Variants in ZNF420 observed in about 807,000 individuals in gnomAD.
ZNF420 encodes the protein zinc finger protein 420, also known as ATM and p53-associated KZNF protein.
Under a neutral mutation model 44.7 loss-of-function variants are expected in ZNF420, and 31 were observed. That is an observed-to-expected ratio of 0.69 (90% confidence interval 0.52 to 0.94). ZNF420 has a LOEUF of 0.94. ZNF420 is among the 40% of genes least tolerant of loss of function. The pLI is 0.00. For synonymous variants in ZNF420, 245 were observed against 267.4 expected (o/e 0.92, Z 0.82); for missense variants, 681 against 827.9 (o/e 0.82, Z 2.18).
intron 2 of ZNF420, among the ~76,000 whole-genome samples, chr19:37,088,367 A>G (rs189657688): frequency 1.3e-5 from 2 of 152,336 alleles, no homozygotes; most frequent in African/African-American, 4.8e-5. Flanking sequence ...TGGTTTTACT[A>G]TTAGCTGTAT....
intron 1 of ZNF420, among the ~76,000 whole-genome samples, chr19:37,042,848 GAGTGAA>G (rs1421186315): frequency 6.6e-6 from 1 of 152,158 alleles, no homozygotes; most frequent in Non-Finnish European, 1.5e-5. Flanking sequence ...TCTTGGTGTT[GAGTGAA>G]AGTGAAAGAC....
intron 1 of ZNF420, among the ~76,000 whole-genome samples, chr19:37,068,482 A>C (rs906604470): frequency 6.6e-6 from 1 of 152,132 alleles, no homozygotes; most frequent in African/African-American, 2.4e-5. Flanking sequence ...TCTACTAAAA[A>C]TACAAAAATT....
At chr19:37,012,758 ATATGTCTCTGTGTGTG>A (rs766079901) in intron 1 of ZNF420, among the ~76,000 whole-genome samples, 14 of 100,102 alleles carry the variant, frequency 1.4e-4, no homozygotes, top group Non-Finnish European at 2.8e-4. Context: ...TGCCACTGCT[ATATGTCTCTGTGTGTG>A]TGTGTGTGTG....
chr19:37,044,805 A>T (rs1355287484), intron 1 of ZNF420, among the ~76,000 whole-genome samples: 1 of 152,180 alleles, frequency 6.6e-6, no homozygotes, highest in African/African-American at 2.4e-5. Flanking sequence ...CTCCAGCCAA[A>T]CTACAAGAGC....
At chr19:37,012,157 T>A (rs1425824947) in intron 1 of ZNF420, among the ~76,000 whole-genome samples, 1 of 152,116 alleles carries the variant, frequency 6.6e-6, no homozygotes, top group African/African-American at 2.4e-5. Context: ...AAGGAGGTCT[T>A]GAGGACAGGA....
intron 4 of ZNF420, among the ~76,000 whole-genome samples, chr19:37,093,464 G>T (rs1054335932): frequency 6.6e-6 from 1 of 151,878 alleles, no homozygotes; most frequent in Non-Finnish European, 1.5e-5. Flanking sequence ...CTCGTGATCC[G>T]CCCACCTCCC....
At chr19:37,042,124 G>A (rs932278766) in intron 1 of ZNF420, among the ~76,000 whole-genome samples, 40 of 152,094 alleles carry the variant, frequency 2.6e-4, no homozygotes, top group African/African-American at 9.7e-4. Flanking sequence ...TCAGCTTCTG[G>A]AGTAACTGGG....
intron 1 of ZNF420, among the ~76,000 whole-genome samples, chr19:37,021,052 C>T (rs2074644727): frequency 6.6e-6 from 1 of 152,150 alleles, no homozygotes; most frequent in Admixed American, 6.5e-5. Flanking sequence ...GTGTATTTCA[C>T]AATTTTTAAA....
At chr19:37,031,800 T>C (rs34938891) in intron 1 of ZNF420, among the ~76,000 whole-genome samples, 24,512 of 152,126 alleles carry the variant, frequency 0.16, 2,101 homozygotes, top group African/African-American at 0.23. Context: ...TTTTGCCCGG[T>C]TTTTCTCTTA....
chr19:37,050,472 GA>G (rs1355355447), intron 1 of ZNF420, among the ~76,000 whole-genome samples: 1 of 152,090 alleles, frequency 6.6e-6, no homozygotes, highest in African/African-American at 2.4e-5. Context: ...TATTCTCTTT[GA>G]AGGAATTGTG....
chr19:37,086,103 G>A (rs61166122), intron 2 of ZNF420, among the ~76,000 whole-genome samples: 1,989 of 151,956 alleles, frequency 0.013, 47 homozygotes, highest in African/African-American at 0.045. Context: ...ACCGTGCCCA[G>A]CCAGGCCTCA....
chr19:37,087,310 T>A lies in ZNF420; in HGVS notation c.-80-1729T>A, dbSNP rs1057224413. Among the ~76,000 whole-genome samples the A allele has an allele frequency of 2.2e-3, 314 of 142,154 alleles. 5 individuals carry two copies. Among genetic ancestry groups the A allele is most frequent in the African/African-American group, 7.3e-3 (273 of 37,586 alleles). 93.3% of individuals were successfully genotyped at this position (142,154 alleles called of 152,430 possible). A position where few individuals can be genotyped will look rare whatever the true frequency, so the allele number is the denominator to read the frequency against. ...AAAAAAAAATAAATAAATAAATAAA[T>A]AAATAAATAAATAAATAAATAAATA... On this transcript the variant is annotated intron_variant, in intron 2 of 4. Transcript: ENST00000337995.
chr19:37,067,872 CTTAAG>C (rs928526024), intron 1 of ZNF420, among the ~76,000 whole-genome samples: 10 of 152,270 alleles, frequency 6.6e-5, no homozygotes, highest in East Asian at 3.9e-4. Context: ...GCAGGATATA[CTTAAG>C]TTATCAAAGT....
chr19:37,025,250 G>T, intron 1 of ZNF420: 1 of 304,432 alleles, frequency 3.3e-6, no homozygotes, highest in South Asian at 7.2e-5. Flanking sequence ...CTTGTTCATT[G>T]AACATGTATA....
At chr19:37,125,677 G>A (rs138385941) in intron 4 of ZNF420, among the ~76,000 whole-genome samples, 11 of 152,078 alleles carry the variant, frequency 7.2e-5, no homozygotes, top group African/African-American at 2.7e-4. Flanking sequence ...AGTTTTTATT[G>A]AGTGCTAGAC....
chr19:37,022,299 A>T (rs1334062565), intron 1 of ZNF420, among the ~76,000 whole-genome samples: 1 of 151,970 alleles, frequency 6.6e-6, no homozygotes, highest in Non-Finnish European at 1.5e-5. Flanking sequence ...AAAGTGTAAA[A>T]ATTGCAAACT....
At chr19:37,047,951 G>A (rs536802743) in intron 1 of ZNF420, among the ~76,000 whole-genome samples, 1 of 152,178 alleles carries the variant, frequency 6.6e-6, no homozygotes, top group African/African-American at 2.4e-5. Context: ...GCACACTAGA[G>A]CATCACTTGC....
At chr19:37,079,081 C>T (rs1056770681) in intron 1 of ZNF420, among the ~76,000 whole-genome samples, 2 of 152,080 alleles carry the variant, frequency 1.3e-5, no homozygotes, top group African/African-American at 4.8e-5. Context: ...GTGCTGTTTT[C>T]ATGACTGTGT....
intron 1 of ZNF420, among the ~76,000 whole-genome samples, chr19:37,029,149 C>G (rs910657124): frequency 6.6e-6 from 1 of 152,178 alleles, no homozygotes; most frequent in Non-Finnish European, 1.5e-5. Context: ...ACTTGCAATG[C>G]TTGGTCACAG....
Sources: gnomAD v4.1 joint callset for allele counts (sites outside exome capture counted in the v4.1 genomes callset) on GRCh38, gnomAD v4.1.1 for gene constraint, MANE v1.5 for transcripts, NCBI Gene and HGNC (gene_info 2026-07-23, HGNC 2026-07-21) for gene names.